CSMD2: variants seen among roughly 807,000 people sequenced by gnomAD.
The protein encoded by CSMD2 is CUB and Sushi multiple domains 2, also known as CUB and sushi domain-containing protein 2.
A neutral mutation model predicts 398.5 loss-of-function variants in CSMD2; 130 were observed. That is an observed-to-expected ratio of 0.33 (90% CI 0.28 to 0.38). CSMD2 has a LOEUF of 0.38. Ranked by LOEUF, CSMD2 falls within the 10% of genes least tolerant of loss-of-function variation. The pLI is 1.00. For missense variants in CSMD2, 3,829 were observed against 4,764.9 expected, an observed-to-expected ratio of 0.80 and a Z score of 5.78; for synonymous variants, 1,828 against 1,908.5, an observed-to-expected ratio of 0.96 and a Z score of 1.10.
At chr1:33,540,835 T>C in intron 59 of CSMD2, 137 bp from the exon 60 acceptor site, 1 of 956,950 alleles carries the variant, frequency 1.0e-6, no homozygotes, top group Non-Finnish European at 1.6e-6. Flanking sequence ...TGGGGCCCTC[T>C]TACTGTGGGA....
rs1163832522 is a variant in CSMD2 at position 33,550,274 on chromosome 1, C to A, written c.8820G>T (p.Val2940=). ...TACGCTTGCCGATGCAGCTGTACCG[C>A]ACCACTGCTCCCACAGTATAACTGT... ...SGDSYTVGAV[V]RYSCIGKRTL... The change falls in exon 56 of 71, where the codon GTG becomes GTT. Residue 2940 remains valine, a synonymous_variant. Coordinates refer to ENST00000373381, the MANE Select transcript of CSMD2 (RefSeq NM_001281956.2). The A allele has an allele frequency of 6.2e-7, 1 of 1,614,122 alleles. No individual in the cohort carries two copies. The highest frequency in any genetic ancestry group is 1.3e-5 in the African/African-American group (1 of 74,946).
At chr1:33,557,960 C>T in intron 54 of CSMD2, 38 bp from the exon 55 acceptor site, 1 of 1,508,542 alleles carries the variant, frequency 6.6e-7, no homozygotes, top group Non-Finnish European at 8.9e-7. Context: ...CATGGATTCC[C>T]AGTATAGTAA....
chr1:33,992,142 G>A (rs1646574800), intron 3 of CSMD2, among the ~76,000 whole-genome samples: 1 of 152,162 alleles, frequency 6.6e-6, no homozygotes, highest in Non-Finnish European at 1.5e-5. Flanking sequence ...AAGCTTTGGA[G>A]AAGACAGTCT....
At position 33,743,524 on chromosome 1, in the gene CSMD2, G is replaced by A; in HGVS notation, c.1929C>T (p.His643=). 1 of 1,614,086 alleles carries A rather than the reference G, an allele frequency of 6.2e-7. No individual in the cohort carries two copies. Among genetic ancestry groups the A allele is most frequent in the Non-Finnish European group, 8.5e-7 (1 of 1,180,028 alleles). The change falls in exon 14 of 71, where the codon CAC becomes CAT. Residue 643 remains histidine (H), a synonymous_variant. Coordinates refer to ENST00000373381, the MANE Select transcript of CSMD2 (RefSeq NM_001281956.2). ...GCCTGGCCAGGATGAGCCAGACACA[G>A]TGGAGGTGGTTGCCATAGTCCTCTG... ...NYPEDYGNHL[H]CVWLILARPE... is the part of the protein sequence containing the mutation.
At chr1:33,781,009 C>A (rs4652973) in intron 12 of CSMD2, among the ~76,000 whole-genome samples, 3 of 152,142 alleles carry the variant, frequency 2.0e-5, no homozygotes, top group Admixed American at 2.0e-4. Context: ...TGATGCTGGT[C>A]GGCTGCCCTT....
chr1:33,644,085 T>A (rs1471241401), intron 29 of CSMD2, among the ~76,000 whole-genome samples: 1 of 152,138 alleles, frequency 6.6e-6, no homozygotes, highest in Non-Finnish European at 1.5e-5. Flanking sequence ...TCTTCTCCCC[T>A]CTCTCCAGTA....
chr1:34,110,116 G>C (rs2148439751), intron 1 of CSMD2, among the ~76,000 whole-genome samples: 1 of 149,226 alleles, frequency 6.7e-6, no homozygotes, highest in East Asian at 2.0e-4. Context: ...TTGATCATTA[G>C]AGAAATGCAA....
intron 52 of CSMD2, 114 bp downstream of exon 52, chr1:33,569,260 T>G (rs1659353235): frequency 8.6e-7 from 1 of 1,169,154 alleles, no homozygotes; most frequent in African/African-American, 1.5e-5. Context: ...GGATTAAGCA[T>G]TTTATGTCAA....
At chr1:33,789,205 AT>A (rs1653924534) in intron 11 of CSMD2, among the ~76,000 whole-genome samples, 1 of 151,230 alleles carries the variant, frequency 6.6e-6, no homozygotes, top group Non-Finnish European at 1.5e-5. Context: ...ATCTCCTTCC[AT>A]TCCAGGATAA....
intron 13 of CSMD2, among the ~76,000 whole-genome samples, chr1:33,755,674 G>A (rs879280336): frequency 2.0e-5 from 3 of 152,126 alleles, no homozygotes; most frequent in Non-Finnish European, 4.4e-5. Context: ...AGAGAAAGGG[G>A]TCTCACTGTC....
intron 10 of CSMD2, among the ~76,000 whole-genome samples, chr1:33,796,088 A>G (rs6657889): frequency 0.13 from 20,296 of 152,256 alleles, 1,969 homozygotes; most frequent in African/African-American, 0.27. Context: ...TGTTCCAACA[A>G]AACTTTATTT....
intron 11 of CSMD2, among the ~76,000 whole-genome samples, chr1:33,790,681 A>C (rs1454700018): frequency 6.7e-6 from 1 of 149,834 alleles, no homozygotes; most frequent in Non-Finnish European, 1.5e-5. Context: ...CTATCTATCT[A>C]TCTATCTATC....
intron 3 of CSMD2, among the ~76,000 whole-genome samples, chr1:34,020,710 C>T (rs900704236): frequency 1.3e-5 from 2 of 152,162 alleles, no homozygotes; most frequent in African/African-American, 4.8e-5. Context: ...CAAGGTAACT[C>T]ACCTCTCTAG....
At chr1:33,765,126 G>A (rs1393016226) in intron 13 of CSMD2, among the ~76,000 whole-genome samples, 2 of 152,200 alleles carry the variant, frequency 1.3e-5, no homozygotes, top group Non-Finnish European at 2.9e-5. Context: ...TTATAAAAAT[G>A]CCTATTTTCT....
chr1:34,012,378 C>T (rs1253864258), intron 3 of CSMD2, among the ~76,000 whole-genome samples: 1 of 152,198 alleles, frequency 6.6e-6, no homozygotes, highest in African/African-American at 2.4e-5. Flanking sequence ...TCTTATCCTC[C>T]TCTGTTTCTT....
rs766108599 is a variant in CSMD2, at chr1:33,571,546, G to T, written c.7943C>A (p.Thr2648Lys). The T allele has an allele frequency of 6.7e-7, 1 of 1,487,370 alleles. No individual in the cohort carries two copies. The highest frequency in any genetic ancestry group is 2.4e-5 in the East Asian group (1 of 41,736). 92.1% of individuals were successfully genotyped at this position (1,487,370 alleles called of 1,614,324 possible). A position where few individuals can be genotyped will look rare whatever the true frequency, so the allele number is the denominator to read the frequency against. Residue 2648 changes from threonine to lysine, a missense_variant, in exon 51 of 71, where the codon ACG becomes AAG. Physicochemically the swap from Thr to Lys is moderately conservative, Grantham distance 78 (BLOSUM62 -1). Around this residue, in one of 5 missense-constraint regions of CSMD2, gnomAD observed 723 missense variants for 758.6 expected, o/e 0.95. Transcript: ENST00000373381. The part of the protein sequence containing the change: ...ANGKWSLGDS[T>K]PTCRIISCGE... ...CCTGGGCTTACTTCGGCAGGTGGGC[G>T]TAGAGTCCCCGAGGCTCCATTTGCC...
Position 33,624,626 on chromosome 1 carries a change from G to A in CSMD2, c.5518C>T (p.Leu1840Phe). 1 of 1,613,622 alleles carries A rather than the reference G, an allele frequency of 6.2e-7. No homozygotes were observed. The highest frequency in any genetic ancestry group is 8.5e-7 in the Non-Finnish European group (1 of 1,179,686). Residue 1840 changes from leucine to phenylalanine, a missense_variant, in exon 35 of 71, where the codon CTC (leucine) becomes TTC (phenylalanine). By Grantham distance (22) the Leu-to-Phe change is conservative (BLOSUM62 0). Coordinates refer to ENST00000373381, the MANE Select transcript of CSMD2 (RefSeq NM_001281956.2). This position sits in a 1 kb window ranked among gnomAD's most constrained non-coding sequence, Gnocchi z 4.7. ...PTCVVPCGGN[L>F]TERRGTILSP... ...AGGATGGTGCCCCTGCGCTCTGTGA[G>A]GTTGCCTCCACACGGCACTGGGAGG...
intron 29 of CSMD2, among the ~76,000 whole-genome samples, chr1:33,643,877 G>T (rs189191286): frequency 6.7e-6 from 1 of 148,706 alleles, no homozygotes; most frequent in Non-Finnish European, 1.5e-5. Context: ...TAGGAGGTGT[G>T]TAGTCTGGGA....
chr1:34,044,154 C>G (rs1165914448), intron 2 of CSMD2, among the ~76,000 whole-genome samples: 1 of 152,080 alleles, frequency 6.6e-6, no homozygotes, highest in Admixed American at 6.6e-5. Context: ...ATGCAGACCC[C>G]CCAACACAGA....
Sources: gnomAD v4.1 joint callset for allele counts (sites outside exome capture counted in the v4.1 genomes callset) on GRCh38, gnomAD v4.1.1 for gene constraint, gnomAD v4.1.1 regional missense constraint, Gnocchi (gnomAD v3.1) non-coding constraint, MANE v1.5 for transcripts, NCBI Gene and HGNC (gene_info 2026-07-23, HGNC 2026-07-21) for gene names.